The following SH2B3 variants were observed in gnomAD, a reference collection of about 807,000 sequenced individuals.
The protein encoded by SH2B3 is SH2B adaptor protein 3, also known as SH2B adapter protein 3.
A neutral mutation model predicts 51.9 loss-of-function variants in SH2B3; 43 were observed. That is an observed-to-expected ratio of 0.83 (90% CI 0.65 to 1.07). The LOEUF is 1.07. Ranked by LOEUF, SH2B3 falls within the 50% of genes least tolerant of loss-of-function variation. The pLI, the probability that SH2B3 is intolerant of heterozygous loss-of-function variation, is 0.00. For missense variants in SH2B3, 952 were observed against 834.3 expected (o/e 1.14, Z -1.74); for synonymous variants, 396 against 376.0 (o/e 1.05, Z -0.62).
chr12:111,424,084 C>T (rs1370382326), intron 2 of SH2B3, among the ~76,000 whole-genome samples: 1 of 152,178 alleles, frequency 6.6e-6, no homozygotes, highest in African/African-American at 2.4e-5. Flanking sequence ...TGCACTCTAG[C>T]CTGGGTGACA....
chr12:111,412,962 C>T (rs559895128), intron 1 of SH2B3, among the ~76,000 whole-genome samples: 3 of 152,328 alleles, frequency 2.0e-5, no homozygotes, highest in Non-Finnish European at 4.4e-5. Context: ...CGACTCCTGA[C>T]TCCAGCTGGA....
chr12:111,439,965 G>A (rs891673700), intron 2 of SH2B3, among the ~76,000 whole-genome samples: 14 of 152,182 alleles, frequency 9.2e-5, no homozygotes, highest in Non-Finnish European at 1.9e-4. Context: ...CTGCCTTTGA[G>A]GGATGGGCCG....
intron 2 of SH2B3, among the ~76,000 whole-genome samples, chr12:111,441,299 G>A (rs1462945612): frequency 1.3e-5 from 2 of 151,434 alleles, no homozygotes; most frequent in African/African-American, 4.9e-5. Flanking sequence ...GCTCACTTGA[G>A]CCCCCAGGAG....
In SH2B3 at chr12:111,418,298, G is replaced by C. The variant is rs1298127143; in HGVS notation, c.153G>C (p.Glu51Asp). 1 of 1,534,124 alleles carries C rather than the reference G, an allele frequency of 6.5e-7. No individual in the cohort carries two copies. Among genetic ancestry groups the C allele is most frequent in the Non-Finnish European group, 8.7e-7 (1 of 1,146,616 alleles). ...LARQYWLFAR[E>D]HPQHAPLRAE... is the part of the protein sequence containing the mutation. ...GCCAGTACTGGCTGTTCGCCCGGGA[G>C]CATCCGCAGCACGCGCCGCTGCGCG... The change falls in exon 2 of 8, where the codon GAG becomes GAC. Residue 51 changes from glutamate (E) to aspartate (D), a missense_variant. Transcript: ENST00000341259. This position sits in a 1 kb window ranked among gnomAD's most constrained non-coding sequence, Gnocchi z 6.7.
At position 111,418,187 on chromosome 12, in the gene SH2B3, G is replaced by T; in HGVS notation, c.42G>T (p.Ala14=). The change falls in exon 2 of 8, where the codon GCG becomes GCT. Residue 14 remains alanine, a synonymous_variant. Coordinates refer to ENST00000341259, the MANE Select transcript of SH2B3 (RefSeq NM_005475.3). This position sits in a 1 kb window ranked among gnomAD's most constrained non-coding sequence, Gnocchi z 6.7. ...PALQPSSPSS[A]PSASPAAAPR... ...TGCAGCCCTCCTCGCCCTCTTCCGC[G>T]CCCTCAGCCTCCCCGGCGGCGGCCC... 1 of 1,565,410 alleles carries T rather than the reference G, an allele frequency of 6.4e-7. No individual in the cohort carries two copies. Among genetic ancestry groups the T allele is most frequent in the East Asian group, 2.3e-5 (1 of 43,314 alleles).
upstream of SH2B3, among the ~76,000 whole-genome samples, chr12:111,405,729 A>G (rs1870188399): frequency 6.6e-6 from 1 of 151,836 alleles, no homozygotes; most frequent in African/African-American, 2.4e-5. This position sits in a 1 kb window ranked among gnomAD's most constrained non-coding sequence, Gnocchi z 5.4. Flanking sequence ...GAGCCCTCCG[A>G]CCCTGGCAGC....
chr12:111,431,023 T>C (rs1345533552), intron 2 of SH2B3, among the ~76,000 whole-genome samples: 1 of 101,820 alleles, frequency 9.8e-6, no homozygotes, highest in Non-Finnish European at 2.2e-5. Flanking sequence ...CGGCCGGGGG[T>C]GGGTGGCGGG....
Position 111,449,425 on chromosome 12 carries a change from A to G in SH2B3, c.*1123A>G, listed in dbSNP as rs1464317101. 6.6e-6 allele frequency: 1 copy of G among 152,140 alleles called. No homozygotes were observed. The highest frequency in any genetic ancestry group is 1.5e-5 in the Non-Finnish European group (1 of 68,022). The allele number at this position is 152,140 out of a possible 1,614,324, so 9.4% of individuals were successfully genotyped here. ...GGAATCTGGTGCCATAACTAATGAGAAACTCCTTTAATAGCCCACAATCAG... is the reference window on the plus strand; with the variant it reads ...GGAATCTGGTGCCATAACTAATGAGGAACTCCTTTAATAGCCCACAATCAG... On this transcript the variant is annotated 3_prime_UTR_variant, in exon 8 of 8. Transcript: ENST00000341259.
intron 2 of SH2B3, among the ~76,000 whole-genome samples, chr12:111,430,635 G>A (rs1210521303): frequency 1.3e-5 from 2 of 152,196 alleles, no homozygotes; most frequent in Non-Finnish European, 1.5e-5. Context: ...AAGGGCAGAT[G>A]GACAGGGTCA....
intron 2 of SH2B3, among the ~76,000 whole-genome samples, chr12:111,430,922 G>A (rs907639491): frequency 2.0e-5 from 3 of 151,820 alleles, no homozygotes; most frequent in Non-Finnish European, 4.4e-5. Context: ...GCAACCCCTG[G>A]CTGGCCCCAT....
chr12:111,418,221 T>C lies in SH2B3; in HGVS notation c.76T>C (p.Trp26Arg). The C allele has an allele frequency of 1.3e-6, 2 of 1,581,562 alleles. No homozygotes were observed. Among genetic ancestry groups the C allele is most frequent in the Non-Finnish European group, 1.7e-6 (2 of 1,173,280 alleles). The change falls in exon 2 of 8, where the codon TGG becomes CGG. Residue 26 changes from tryptophan (W) to arginine (R), a missense_variant. By Grantham distance (101) the Trp-to-Arg change is moderately radical. Coordinates refer to ENST00000341259, the MANE Select transcript of SH2B3 (RefSeq NM_005475.3). This position sits in a 1 kb window ranked among gnomAD's most constrained non-coding sequence, Gnocchi z 6.7. ...SASPAAAPRG[W>R]SEFCELHAVA... The stretch of plus-strand genomic sequence containing the variant: ...CTCCCCGGCGGCGGCCCCGCGGGGC[T>C]GGAGCGAGTTCTGTGAGTTGCACGC...
intron 2 of SH2B3, among the ~76,000 whole-genome samples, chr12:111,425,424 G>C (rs1871916363): frequency 6.6e-6 from 1 of 152,174 alleles, no homozygotes; most frequent in Admixed American, 6.5e-5. Flanking sequence ...CTTGGCAGGA[G>C]GTGCCGGTCC....
intron 2 of SH2B3, chr12:111,443,740 C>A (rs918900389): frequency 1.3e-5 from 2 of 152,180 alleles, no homozygotes; most frequent in East Asian, 1.9e-4. Flanking sequence ...CTTTACTCAC[C>A]GGCCTGTTAA....
chr12:111,419,388 G>A (rs1333281562), intron 2 of SH2B3, among the ~76,000 whole-genome samples: 1 of 152,192 alleles, frequency 6.6e-6, no homozygotes. Context: ...TGTAACCCCA[G>A]CACTTTGGGA....
In SH2B3 at chr12:111,451,183, G is replaced by A. The variant is rs1874555315; in HGVS notation, c.*2881G>A. ...TATCTGGTATAAATCTTCTGCCTTT[G>A]ATCATTTCTGGACCGTAGGAAAAAG... On this transcript the variant is annotated 3_prime_UTR_variant, in exon 8 of 8. Coordinates refer to ENST00000341259, the MANE Select transcript of SH2B3 (RefSeq NM_005475.3). 6.6e-6 allele frequency: 1 copy of A among 152,648 alleles called. No homozygotes were observed. 9.5% of individuals were successfully genotyped at this position (152,648 alleles called of 1,614,324 possible). A position where few individuals can be genotyped will look rare whatever the true frequency, so the allele number is the denominator to read the frequency against.
chr12:111,408,755 G>C (rs888793227), intron 1 of SH2B3, among the ~76,000 whole-genome samples: 1 of 152,186 alleles, frequency 6.6e-6, no homozygotes, highest in Non-Finnish European at 1.5e-5. Flanking sequence ...TTGGGACCCA[G>C]TTTACATGAC....
chr12:111,418,296 G>T lies in SH2B3; in HGVS notation c.151G>T (p.Glu51Ter). The T allele has an allele frequency of 6.5e-7, 1 of 1,535,512 alleles. No individual in the cohort carries two copies. The highest frequency in any genetic ancestry group is 2.5e-5 in the East Asian group (1 of 40,584). The change falls in exon 2 of 8, where the codon GAG becomes TAG. Residue 51 changes from glutamate to a stop codon, truncating the protein, a stop_gained. Transcript: ENST00000341259. LOFTEE classifies it high-confidence loss of function. This position sits in a 1 kb window ranked among gnomAD's most constrained non-coding sequence, Gnocchi z 6.7. ...CCGCCAGTACTGGCTGTTCGCCCGG[G>T]AGCATCCGCAGCACGCGCCGCTGCG... ...LARQYWLFAR[E>*]HPQHAPLRAE...
Position 111,406,132 on chromosome 12 carries a change from C to T in SH2B3, c.-173C>T, listed in dbSNP as rs1290246254. Reference sequence around the variant, plus strand: ...TCCGAGCCCGGGTTTCCTGCCTGAGCCCCGCTCGAGCGAGCCGCGAGCGAG... The same window carrying T: ...TCCGAGCCCGGGTTTCCTGCCTGAGTCCCGCTCGAGCGAGCCGCGAGCGAG... On this transcript the variant is annotated 5_prime_UTR_variant, in exon 1 of 8. Transcript: ENST00000341259. This position sits in a 1 kb window ranked among gnomAD's most constrained non-coding sequence, Gnocchi z 5.7. The T allele has an allele frequency of 2.0e-5, 3 of 152,054 alleles. No homozygotes were observed. Among genetic ancestry groups the T allele is most frequent in the East Asian group, 1.9e-4 (1 of 5,166 alleles). 9.4% of individuals were successfully genotyped at this position (152,054 alleles called of 1,614,324 possible). A position where few individuals can be genotyped will look rare whatever the true frequency, so the allele number is the denominator to read the frequency against.
At chr12:111,415,933 GTATT>G (rs751252480) in intron 1 of SH2B3, among the ~76,000 whole-genome samples, 279 of 150,918 alleles carry the variant, frequency 1.8e-3, no homozygotes, top group African/African-American at 5.6e-3. Flanking sequence ...ATTTATTTAT[GTATT>G]TATTTATTTA....
Sources: gnomAD v4.1 joint callset for allele counts (sites outside exome capture counted in the v4.1 genomes callset) on GRCh38, gnomAD v4.1.1 for gene constraint, Gnocchi (gnomAD v3.1) non-coding constraint, MANE v1.5 for transcripts, NCBI Gene and HGNC (gene_info 2026-07-23, HGNC 2026-07-21) for gene names.